Variants in NINL observed in about 807,000 individuals in gnomAD.
The protein encoded by NINL is ninein like, also known as ninein-like protein.
In NINL, 153 loss-of-function variants were observed where a neutral mutation model predicts 160.3. The observed-to-expected ratio is 0.95, with a 90% CI of 0.84 to 1.09. The LOEUF is 1.09. NINL is among the 50% of genes least tolerant of loss of function. The probability of loss-of-function intolerance (pLI) is 0.00; values close to 1 mark genes in which losing one functional copy is unlikely to be tolerated. For missense variants in NINL, 1,829 were observed against 1,764.0 expected (o/e 1.04, Z -0.66); for synonymous variants, 800 against 734.8 (o/e 1.09, Z -1.43).
chr20:25,579,541 A>G (rs1035218843), intron 1 of NINL, among the ~76,000 whole-genome samples: 3 of 152,156 alleles, frequency 2.0e-5, no homozygotes, highest in Admixed American at 6.5e-5. Context: ...CCAGGCACCC[A>G]AAAGCCTGTC....
In NINL at chr20:25,505,041, G is replaced by A. The variant is rs532756641; in HGVS notation, c.555C>T (p.Ser185=). The change falls in exon 6 of 24, where the codon AGC becomes AGT. Residue 185 remains serine, a synonymous_variant. Transcript: ENST00000278886. The part of the protein sequence containing the change: ...LQTWDSEDFG[S]PQKSCSPSFD... The stretch of plus-strand genomic sequence containing the variant: ...AGGAGGGGCTGCAGGACTTCTGGGG[G>A]CTCCCAAAGTCCTCAGAATCCCAGG... 11 of 1,607,556 alleles carry A rather than the reference G, an allele frequency of 6.8e-6. No individual in the cohort carries two copies. Among genetic ancestry groups the A allele is most frequent in the Non-Finnish European group, 6.8e-6 (8 of 1,176,386 alleles).
intron 1 of NINL, among the ~76,000 whole-genome samples, chr20:25,577,726 C>T (rs937572148): frequency 2.0e-5 from 3 of 152,046 alleles, no homozygotes; most frequent in South Asian, 4.1e-4. Context: ...TCCATCCTGG[C>T]GGGGGAGCCC....
Position 25,477,047 on chromosome 20 carries a change from C to T in NINL, c.2244G>A (p.Leu748=), listed in dbSNP as rs749816276. 4.4e-6 allele frequency: 7 copies of T among 1,598,284 alleles called. No individual in the cohort carries two copies. Among genetic ancestry groups the T allele is most frequent in the East Asian group, 2.2e-5 (1 of 44,844 alleles). ...EAELSGELSG[L]GALPARRDLT... ...GGTCTCTGCGAGCGGGCAGGGCTCC[C>T]AGCCCCGACAGCTCTCCACTCAGCT... is the stretch of plus-strand genomic sequence containing the variant. The change falls in exon 17 of 24, where the codon CTG becomes CTA. Residue 748 remains leucine (L), a synonymous_variant. Coordinates refer to ENST00000278886, the MANE Select transcript of NINL (RefSeq NM_025176.6).
At chr20:25,532,158 G>A (rs1007921312) in intron 1 of NINL, among the ~76,000 whole-genome samples, 3 of 152,236 alleles carry the variant, frequency 2.0e-5, no homozygotes, top group African/African-American at 4.8e-5. Flanking sequence ...GGGGCAGCAA[G>A]GCTGGAGAAT....
chr20:25,523,352 A>G (rs1032313501), intron 2 of NINL, among the ~76,000 whole-genome samples: 5 of 151,744 alleles, frequency 3.3e-5, no homozygotes, highest in African/African-American at 7.3e-5. Flanking sequence ...CCTGGGCTCA[A>G]GCAATCCTCC....
chr20:25,479,877 T>G (rs917565755), intron 15 of NINL, among the ~76,000 whole-genome samples: 1 of 152,220 alleles, frequency 6.6e-6, no homozygotes, highest in Non-Finnish European at 1.5e-5. Flanking sequence ...CAAGGAGGGC[T>G]GGCCACGGCG....
chr20:25,457,200 T>G (rs1255553325), intron 22 of NINL, among the ~76,000 whole-genome samples: 1 of 152,186 alleles, frequency 6.6e-6, no homozygotes, highest in African/African-American at 2.4e-5. Context: ...GATGCGTGCC[T>G]GTAGTCCCAG....
chr20:25,468,573 T>C (rs1601023896), intron 18 of NINL, among the ~76,000 whole-genome samples: 1 of 91,594 alleles, frequency 1.1e-5, no homozygotes, highest in Non-Finnish European at 2.0e-5. Context: ...CCCCCTGCCC[T>C]GTCCCCTGTC....
chr20:25,562,034 G>A (rs2064947695), intron 1 of NINL, among the ~76,000 whole-genome samples: 1 of 146,206 alleles, frequency 6.8e-6, no homozygotes, highest in African/African-American at 2.6e-5. Context: ...GAAGTGAGGA[G>A]CCCCTCTGCC....
intron 1 of NINL, among the ~76,000 whole-genome samples, chr20:25,570,017 A>T (rs1426526121): frequency 1.5e-5 from 2 of 133,928 alleles, no homozygotes; most frequent in South Asian, 2.2e-4. Context: ...TGTCTCCACT[A>T]AAAAAAAAAA....
intron 13 of NINL, among the ~76,000 whole-genome samples, chr20:25,483,239 C>G (rs2063434500): frequency 6.6e-6 from 1 of 151,624 alleles, no homozygotes. Flanking sequence ...GAGGCTGAGG[C>G]AGGAGAATCG....
Position 25,461,679 on chromosome 20 carries a change from G to C in NINL, c.3583-44C>G, listed in dbSNP as rs372406490. The C allele has an allele frequency of 2.0e-3, 2,618 of 1,285,838 alleles. 75 individuals are homozygous for C. The South Asian group carries it at 0.03, about 15-fold the overall frequency. 79.7% of individuals were successfully genotyped at this position (1,285,838 alleles called of 1,614,324 possible). Reference sequence around the variant, plus strand: ...TTGCACAAGTCAAGAAGTATCTGAAGAGTCTGGTATGTAATTCGTGCAAAA... The same window carrying C: ...TTGCACAAGTCAAGAAGTATCTGAACAGTCTGGTATGTAATTCGTGCAAAA... On this transcript the variant is annotated intron_variant, in intron 20 of 23. Coordinates refer to ENST00000278886, the MANE Select transcript of NINL (RefSeq NM_025176.6).
chr20:25,517,560 T>C (rs2064183459), intron 3 of NINL, among the ~76,000 whole-genome samples, 193 bp downstream of exon 3: 1 of 152,236 alleles, frequency 6.6e-6, no homozygotes, highest in Non-Finnish European at 1.5e-5. Context: ...CACGTTATTA[T>C]ATGACACTAT....
At chr20:25,511,559 C>A (rs919546799) in intron 4 of NINL, among the ~76,000 whole-genome samples, 2 of 152,054 alleles carry the variant, frequency 1.3e-5, no homozygotes, top group African/African-American at 2.4e-5. Flanking sequence ...AAATACGCAA[C>A]CCCATTTTTT....
chr20:25,538,980 C>T (rs1487629370), intron 1 of NINL, among the ~76,000 whole-genome samples: 1 of 152,184 alleles, frequency 6.6e-6, no homozygotes, highest in Non-Finnish European at 1.5e-5. Context: ...TGCCCACTGA[C>T]CTGCAGTGTT....
Position 25,491,510 on chromosome 20 carries a change from C to T in NINL, c.1326G>A (p.Gly442=). 6.2e-7 allele frequency: 1 copy of T among 1,613,860 alleles called. No homozygotes were observed. Among genetic ancestry groups the T allele is most frequent in the South Asian group, 1.1e-5 (1 of 91,036 alleles). ...TEKKIKHLEQ[G]YRERLSLLRS... ...GCAGGAGGCTCAGCCTTTCCCGGTACCCCTGCTCCAGATGCCTGTAACATG... is the reference window on the plus strand; with the variant it reads ...GCAGGAGGCTCAGCCTTTCCCGGTATCCCTGCTCCAGATGCCTGTAACATG... Residue 442 remains glycine, a synonymous_variant, in exon 11 of 24, where the codon GGG becomes GGA. Transcript: ENST00000278886.
chr20:25,470,192 C>T (rs780442557), intron 17 of NINL, 97 bp from the exon 18 acceptor site: 51 of 866,162 alleles, frequency 5.9e-5, no homozygotes, highest in Non-Finnish European at 8.5e-5. Context: ...AACTGTGCGT[C>T]CCCATCTCCC....
At chr20:25,480,791 G>A (rs557933410) in intron 14 of NINL, among the ~76,000 whole-genome samples, 6 of 152,300 alleles carry the variant, frequency 3.9e-5, no homozygotes, top group South Asian at 2.1e-4. Context: ...TGGAATTAGC[G>A]CTCTGAGACT....
At chr20:25,495,185 G>A (rs916873995) in intron 10 of NINL, among the ~76,000 whole-genome samples, 5 of 152,258 alleles carry the variant, frequency 3.3e-5, no homozygotes, top group South Asian at 2.1e-4. Flanking sequence ...CCAGGTTCAC[G>A]ACAAAGATGC....
Sources: allele counts gnomAD v4.1 joint callset (sites outside exome capture counted in the v4.1 genomes callset), GRCh38; gene constraint gnomAD v4.1.1; transcripts MANE v1.5; gene names NCBI Gene and HGNC (gene_info 2026-07-23, HGNC 2026-07-21).